TCAF1: variants seen among roughly 807,000 people sequenced by gnomAD.
The protein encoded by TCAF1 is TRPM8 channel-associated factor 1.
A neutral mutation model predicts 27.3 loss-of-function variants in TCAF1; 4 were observed. The ratio of observed to expected loss-of-function variants is 0.15; its 90% CI spans 0.07 to 0.34. The LOEUF (loss-of-function observed/expected upper bound fraction) is 0.34. Ranked by LOEUF, TCAF1 falls within the 10% of genes least tolerant of loss-of-function variation. The pLI is 1.00. For missense variants in TCAF1, 257 were observed against 425.8 expected (o/e 0.60, Z 3.49); for synonymous variants, 105 against 167.1 (o/e 0.63, Z 2.87).
At chr7:143,895,483 A>AT (rs916880059) in intron 1 of TCAF1, among the ~76,000 whole-genome samples, 5 of 151,934 alleles carry the variant, frequency 3.3e-5, no homozygotes, top group African/African-American at 1.2e-4. Context: ...AATAGTGGTT[A>AT]TTTTTGAGAG....
intron 1 of TCAF1, among the ~76,000 whole-genome samples, chr7:143,884,798 C>G (rs1813307856): frequency 1.3e-5 from 2 of 151,940 alleles, no homozygotes; most frequent in South Asian, 4.2e-4. Flanking sequence ...GATAAAATGT[C>G]AGCATATAAT....
At chr7:143,871,346 C>T (rs1812454009) in intron 2 of TCAF1, among the ~76,000 whole-genome samples, 1 of 143,894 alleles carries the variant, frequency 6.9e-6, no homozygotes, top group African/African-American at 2.5e-5. Context: ...ACAACTTAGC[C>T]TTCAAAAAAT....
At chr7:143,887,931 C>G (rs576092980) in intron 1 of TCAF1, among the ~76,000 whole-genome samples, 1 of 152,236 alleles carries the variant, frequency 6.6e-6, no homozygotes, top group South Asian at 2.1e-4. Flanking sequence ...ATAATATTTA[C>G]TCTTGGGCCA....
At chr7:143,894,874 T>C (rs1014541523) in intron 1 of TCAF1, among the ~76,000 whole-genome samples, 1 of 151,356 alleles carries the variant, frequency 6.6e-6, no homozygotes. Context: ...CTCACAAAAT[T>C]AATTAAAAAA....
At position 143,902,094 on chromosome 7, in the gene TCAF1, T is replaced by C. The variant is rs917008426; in HGVS notation, c.-148A>G. The C allele has an allele frequency of 2.0e-5, 3 of 152,394 alleles. No individual in the cohort carries two copies. Among genetic ancestry groups the C allele is most frequent in the Non-Finnish European group, 2.9e-5 (2 of 68,278 alleles). The allele number at this position is 152,394 out of a possible 1,614,324, so 9.4% of individuals were successfully genotyped here. A position where few individuals can be genotyped will look rare whatever the true frequency, so the allele number is the denominator to read the frequency against. ...GCAACCTGCTAGGAGCGGGAGGCGG[T>C]TGTTCCCAGGAGGAAGCAGCTTCTC... On this transcript the variant is annotated 5_prime_UTR_variant, in exon 1 of 9. Transcript: ENST00000479870.
At chr7:143,884,273 C>A (rs1412062195) in intron 1 of TCAF1, among the ~76,000 whole-genome samples, 1 of 152,130 alleles carries the variant, frequency 6.6e-6, no homozygotes, top group Non-Finnish European at 1.5e-5. Flanking sequence ...TTCCCCATCT[C>A]CCTTCAACTC....
rs199966585 is a variant in TCAF1, at chr7:143,876,365, C to T, written c.244G>A (p.Gly82Arg). ...GCCCCAGGGGAAGAGCAAAGCCACCCCACTGCGTTCAGGAGAAAGGGCGTG... is the reference window on the plus strand; with the variant it reads ...GCCCCAGGGGAAGAGCAAAGCCACCTCACTGCGTTCAGGAGAAAGGGCGTG... The part of the protein sequence containing the change: ...QLTPFLLNAV[G>R]WLCSSPGAPI... Residue 82 changes from glycine (G) to arginine (R), a missense_variant, in exon 2 of 9, where the codon GGG (glycine) becomes AGG (arginine). Around this residue, in one of 2 missense-constraint regions of TCAF1, gnomAD observed 255 missense variants for 260.1 expected, o/e 0.98. Transcript: ENST00000479870. 1.4e-4 allele frequency: 224 copies of T among 1,614,182 alleles called. No individual in the cohort carries two copies. Among genetic ancestry groups the T allele is most frequent in the Non-Finnish European group, 1.7e-4 (204 of 1,180,022 alleles).
At chr7:143,854,497 A>C (rs1318771498) in intron 8 of TCAF1, among the ~76,000 whole-genome samples, 1 of 151,944 alleles carries the variant, frequency 6.6e-6, no homozygotes, top group African/African-American at 2.4e-5. Context: ...GGCTGATGCT[A>C]AAGGGCTCAC....
chr7:143,885,429 CG>C (rs1813351341), intron 1 of TCAF1: 2 of 985,292 alleles, frequency 2.0e-6, no homozygotes, highest in African/African-American at 3.5e-5. Flanking sequence ...GGAGCTTGGC[CG>C]CCGCCCCCGG....
chr7:143,897,354 A>C (rs545963921), intron 1 of TCAF1, among the ~76,000 whole-genome samples: 56 of 151,512 alleles, frequency 3.7e-4, no homozygotes, highest in Middle Eastern at 6.9e-3. Flanking sequence ...ACTTTTACTT[A>C]ATGAATGGTA....
At chr7:143,860,028 T>TA (rs1240577388) in intron 6 of TCAF1, among the ~76,000 whole-genome samples, 180 bp downstream of exon 6, 19 of 4,242 alleles carry the variant, frequency 4.5e-3, no homozygotes, top group Non-Finnish European at 0.01. Flanking sequence ...TATTATATAT[T>TA]ATATATATAA....
intron 1 of TCAF1, among the ~76,000 whole-genome samples, chr7:143,896,394 A>G (rs888798492): frequency 6.6e-6 from 1 of 152,048 alleles, no homozygotes; most frequent in Middle Eastern, 3.2e-3. Flanking sequence ...CATCATGGTG[A>G]GAATATTTAA....
At chr7:143,874,782 C>T (rs1057170625) in intron 2 of TCAF1, among the ~76,000 whole-genome samples, 8 of 152,160 alleles carry the variant, frequency 5.3e-5, no homozygotes, top group Admixed American at 2.6e-4. Context: ...ACAACAGTTA[C>T]TTGGTTTTTG....
chr7:143,899,307 A>G (rs1020483368), intron 1 of TCAF1, among the ~76,000 whole-genome samples: 4 of 152,262 alleles, frequency 2.6e-5, no homozygotes, highest in African/African-American at 9.6e-5. Context: ...CCAAATTTCA[A>G]GGCTTTTAAT....
At chr7:143,877,063 A>G (rs899942093) in intron 1 of TCAF1, among the ~76,000 whole-genome samples, 4 of 152,182 alleles carry the variant, frequency 2.6e-5, no homozygotes, top group African/African-American at 9.7e-5. Context: ...GGAGAATGCT[A>G]TCAGAAAATG....
chr7:143,875,618 G>A (rs1812652940), intron 2 of TCAF1, among the ~76,000 whole-genome samples: 1 of 152,066 alleles, frequency 6.6e-6, no homozygotes, highest in South Asian at 2.1e-4. Flanking sequence ...TTGGCTCATG[G>A]GGTCCTTCAT....
intron 1 of TCAF1, chr7:143,883,048 T>C (rs901493738): frequency 5.8e-6 from 1 of 171,766 alleles, no homozygotes; most frequent in Non-Finnish European, 1.2e-5. Context: ...ATCCTGGCAG[T>C]GTGGACGGCT....
At chr7:143,886,602 C>G (rs1370454767) in intron 1 of TCAF1, 1 of 860,568 alleles carries the variant, frequency 1.2e-6, no homozygotes, top group African/African-American at 1.8e-5. Context: ...AAACAAACAG[C>G]AGCCTAAAGC....
rs1316084807 is a variant in TCAF1 at position 143,893,977 on chromosome 7, A to G, written c.-15+7984T>C. ...AACCAAAAGTTGGTTTTAATGAACCAAACTAAGAATGATCAATAAAGAGAC... is the reference window on the plus strand; with the variant it reads ...AACCAAAAGTTGGTTTTAATGAACCGAACTAAGAATGATCAATAAAGAGAC... On this transcript the variant is annotated intron_variant, in intron 1 of 8. Transcript: ENST00000479870. 9.9e-5 allele frequency among the ~76,000 whole-genome samples: 15 copies of G among 151,888 alleles called. No individual in the cohort carries two copies. In the East Asian group the frequency reaches 2.7e-3, roughly 27 times the overall value.
Sources: gnomAD v4.1 joint callset for allele counts (sites outside exome capture counted in the v4.1 genomes callset) on GRCh38, gnomAD v4.1.1 for gene constraint, gnomAD v4.1.1 regional missense constraint, MANE v1.5 for transcripts, NCBI Gene and HGNC (gene_info 2026-07-23, HGNC 2026-07-21) for gene names.